Variants in LRBA observed in about 807,000 individuals in gnomAD.
LRBA encodes the protein LPS responsive beige-like anchor protein.
LRBA carries 176 observed loss-of-function variants against 330.0 expected under a neutral mutation model. The ratio of observed to expected loss-of-function variants is 0.53; its 90% CI spans 0.47 to 0.60. The LOEUF (loss-of-function observed/expected upper bound fraction) is 0.60, where lower values mean the gene tolerates loss of function less well. LRBA is among the 20% of genes least tolerant of loss of function. LRBA has a pLI of 0.00. For synonymous variants in LRBA, 1,230 were observed against 1,193.0 expected (o/e 1.03, Z -0.64); for missense variants, 3,259 against 3,444.8 (o/e 0.95, Z 1.35).
chr4:150,375,410 T>C (rs889145408), intron 47 of LRBA, among the ~76,000 whole-genome samples: 14 of 152,136 alleles, frequency 9.2e-5, no homozygotes, highest in Admixed American at 3.3e-4. Flanking sequence ...TTGACCACGC[T>C]GAAGCATATT....
At position 150,489,027 on chromosome 4, in the gene LRBA, T is replaced by TATATA. The variant is rs1389215444; in HGVS notation, c.6449-1198_6449-1194dup. Among the ~76,000 whole-genome samples the TATATA allele has an allele frequency of 3.4e-3, 383 of 113,622 alleles. 2 individuals are homozygous for TATATA. Among genetic ancestry groups the TATATA allele is most frequent in the African/African-American group, 0.01 (283 of 27,078 alleles). 74.5% of individuals were successfully genotyped at this position (113,622 alleles called of 152,430 possible). On this transcript the variant is annotated intron_variant, in intron 41 of 56. Coordinates refer to ENST00000651943, the MANE Select transcript of LRBA (RefSeq NM_001364905.1). The stretch of plus-strand genomic sequence containing the variant: ...ATATATAATATATTATATATAAGAA[T>TATATA]ATATATTATATATAATATATTATAT...
intron 35 of LRBA, among the ~76,000 whole-genome samples, chr4:150,756,665 T>A (rs1266067686): frequency 1.3e-5 from 2 of 152,102 alleles, no homozygotes; most frequent in Non-Finnish European, 2.9e-5. Context: ...TGAATTTAGG[T>A]CCAATATACA....
chr4:150,931,359 G>A (rs1194136636), intron 2 of LRBA, among the ~76,000 whole-genome samples: 2 of 151,232 alleles, frequency 1.3e-5, no homozygotes, highest in East Asian at 3.9e-4. Flanking sequence ...TTGGCTGACG[G>A]TGGTGGTTAT....
At chr4:150,953,597 C>T (rs909221750) in intron 2 of LRBA, among the ~76,000 whole-genome samples, 1 of 152,004 alleles carries the variant, frequency 6.6e-6, no homozygotes, top group African/African-American at 2.4e-5. Context: ...GCTCCTACCG[C>T]GAGTGATCTG....
At chr4:150,759,896 C>T (rs1377526099) in intron 35 of LRBA, among the ~76,000 whole-genome samples, 3 of 152,080 alleles carry the variant, frequency 2.0e-5, no homozygotes, top group Non-Finnish European at 4.4e-5. Flanking sequence ...AAAGCCAATG[C>T]TCTTAATCTT....
chr4:150,864,644 CTTTTTTTT>C (rs34280757), intron 22 of LRBA, among the ~76,000 whole-genome samples: 1 of 118,454 alleles, frequency 8.4e-6, no homozygotes, highest in Non-Finnish European at 1.8e-5. Flanking sequence ...GGCCCACGTT[CTTTTTTTT>C]TTTTTTTTTT....
chr4:150,894,530 A>G (rs1729849730), intron 16 of LRBA, among the ~76,000 whole-genome samples: 1 of 152,212 alleles, frequency 6.6e-6, no homozygotes, highest in African/African-American at 2.4e-5. Context: ...ATTAGAGCCA[A>G]CTTGGACAAT....
At chr4:150,868,361 G>C in intron 20 of LRBA, 56 bp from the exon 21 acceptor site, 2 of 1,322,250 alleles carry the variant, frequency 1.5e-6, no homozygotes, top group Non-Finnish European at 2.1e-6. Context: ...ACTCATGATA[G>C]AAGGTCATCC....
chr4:150,609,784 C>G (rs1775044079), intron 37 of LRBA, among the ~76,000 whole-genome samples: 1 of 152,078 alleles, frequency 6.6e-6, no homozygotes, highest in African/African-American at 2.4e-5. Flanking sequence ...AAAGAACAGA[C>G]TTAAGCATGT....
At chr4:150,813,215 T>A (rs1475151398) in intron 31 of LRBA, among the ~76,000 whole-genome samples, 1 of 151,600 alleles carries the variant, frequency 6.6e-6, no homozygotes, top group Non-Finnish European at 1.5e-5. Flanking sequence ...GAAAGGATAC[T>A]GTATTCTAGG....
intron 47 of LRBA, among the ~76,000 whole-genome samples, chr4:150,390,948 T>A (rs575724728): frequency 1.3e-5 from 2 of 152,258 alleles, no homozygotes; most frequent in South Asian, 4.2e-4. Flanking sequence ...CCATTGTCTA[T>A]TTACCTCCTT....
intron 47 of LRBA, 128 bp downstream of exon 47, chr4:150,415,310 C>A (rs1014217566): frequency 1.6e-6 from 1 of 626,560 alleles, no homozygotes; most frequent in East Asian, 2.8e-5. Flanking sequence ...GCTATTATGT[C>A]ACTTTCAGTT....
At chr4:150,742,851 T>C (rs917743741) in intron 35 of LRBA, among the ~76,000 whole-genome samples, 2 of 152,202 alleles carry the variant, frequency 1.3e-5, no homozygotes, top group South Asian at 2.1e-4. Context: ...TGAACCATGA[T>C]GGCATCACTG....
intron 37 of LRBA, among the ~76,000 whole-genome samples, chr4:150,614,924 A>G (rs1422010001): frequency 6.6e-6 from 1 of 152,358 alleles, no homozygotes; most frequent in East Asian, 1.9e-4. Flanking sequence ...ACAGATGACA[A>G]TAAGTACCAA....
chr4:150,832,242 A>G (rs1747317382), intron 28 of LRBA, among the ~76,000 whole-genome samples: 1 of 152,170 alleles, frequency 6.6e-6, no homozygotes, highest in East Asian at 1.9e-4. Context: ...AAATTATTCA[A>G]TCTAAAGACG....
chr4:150,389,534 C>T (rs1205212910), intron 47 of LRBA, among the ~76,000 whole-genome samples: 1 of 151,598 alleles, frequency 6.6e-6, no homozygotes, highest in Non-Finnish European at 1.5e-5. Flanking sequence ...CATGGCGAAA[C>T]CCCATCTCTA....
intron 35 of LRBA, among the ~76,000 whole-genome samples, chr4:150,751,122 T>C (rs1355731807): frequency 6.6e-6 from 1 of 152,118 alleles, no homozygotes; most frequent in African/African-American, 2.4e-5. Flanking sequence ...GACTTAACTG[T>C]ATCATAAATT....
intron 2 of LRBA, among the ~76,000 whole-genome samples, chr4:150,996,804 G>C (rs1304544222): frequency 6.6e-6 from 1 of 152,084 alleles, no homozygotes; most frequent in Non-Finnish European, 1.5e-5. Context: ...AACAACCTGA[G>C]TCCAAATGCC....
intron 46 of LRBA, among the ~76,000 whole-genome samples, chr4:150,424,111 T>G (rs1441980181): frequency 6.6e-6 from 1 of 152,188 alleles, no homozygotes. Flanking sequence ...TACATGTGAA[T>G]TTAAAGTATG....
Sources: allele counts gnomAD v4.1 joint callset (sites outside exome capture counted in the v4.1 genomes callset), GRCh38; gene constraint gnomAD v4.1.1; transcripts MANE v1.5; gene names NCBI Gene and HGNC (gene_info 2026-07-23, HGNC 2026-07-21).